CYTH3: variants seen among roughly 807,000 people sequenced by gnomAD.
CYTH3 encodes cytohesin-3.
Under a neutral mutation model 55.1 loss-of-function variants are expected in CYTH3, and 23 were observed. The observed-to-expected ratio is 0.42, with a 90% CI of 0.30 to 0.59. The LOEUF is 0.59. Among genes scored for constraint, CYTH3 ranks in the 20% least tolerant of loss-of-function variants. CYTH3 has a pLI of 0.20. For synonymous variants in CYTH3, 249 were observed against 194.9 expected (o/e 1.28, Z -2.31); for missense variants, 413 against 524.8 (o/e 0.79, Z 2.08).
rs570706024 is a variant in CYTH3 at position 6,191,008 on chromosome 7, C to T, written c.35-477G>A. 5.3e-5 allele frequency among the ~76,000 whole-genome samples: 8 copies of T among 151,654 alleles called. No homozygotes were observed. In the South Asian group the frequency reaches 1.0e-3, roughly 20 times the overall value. On this transcript the variant is annotated intron_variant, in intron 1 of 12. Coordinates refer to ENST00000350796, the MANE Select transcript of CYTH3 (RefSeq NM_004227.4). Reference sequence around the variant, plus strand: ...AGGAGAACTGCTTGAACCCAGGAGGCGGAGGCTGCAGTGAGGCAAAATCAC... The same window carrying T: ...AGGAGAACTGCTTGAACCCAGGAGGTGGAGGCTGCAGTGAGGCAAAATCAC...
At chr7:6,251,815 GA>G (rs748591281) in intron 1 of CYTH3, among the ~76,000 whole-genome samples, 2 of 152,118 alleles carry the variant, frequency 1.3e-5, no homozygotes, top group Non-Finnish European at 2.9e-5. Flanking sequence ...GGTTACCACA[GA>G]ATCGCATGAG....
chr7:6,183,104 G>T (rs1181629580), intron 4 of CYTH3, among the ~76,000 whole-genome samples: 1 of 152,152 alleles, frequency 6.6e-6, no homozygotes, highest in South Asian at 2.1e-4. Context: ...CTGTTTTCAC[G>T]GACTAAGTGC....
chr7:6,272,359 TG>T, intron 1 of CYTH3, 114 bp downstream of exon 1: 1 of 1,002,134 alleles, frequency 1.0e-6, no homozygotes, highest in Non-Finnish European at 1.2e-6. Flanking sequence ...CCGCTGCCGC[TG>T]CCCCCGACCC....
intron 1 of CYTH3, among the ~76,000 whole-genome samples, chr7:6,259,882 G>A (rs1282946898): frequency 7.9e-6 from 1 of 126,136 alleles, no homozygotes; most frequent in Non-Finnish European, 1.6e-5. Flanking sequence ...CCAGGCTGGA[G>A]AGCAATGGCG....
Position 6,267,684 on chromosome 7 carries a change from C to T in CYTH3, c.34+4790G>A, listed in dbSNP as rs148837354. ...GACTACAGGTGCGCATCACTATGCC[C>T]GGCTAATTTTTGTATTTTTAGTAGA... On this transcript the variant is annotated intron_variant, in intron 1 of 12. Transcript: ENST00000350796. Among the ~76,000 whole-genome samples, 11 of 152,104 alleles carry T rather than the reference C, an allele frequency of 7.2e-5. No individual in the cohort carries two copies. The South Asian group carries it at 8.3e-4, about 12-fold the overall frequency.
At chr7:6,177,049 G>A (rs1480272495) in intron 5 of CYTH3, among the ~76,000 whole-genome samples, 1 of 151,642 alleles carries the variant, frequency 6.6e-6, no homozygotes, top group African/African-American at 2.4e-5. Context: ...TGCATGCATG[G>A]GGTAAGTCCC....
At chr7:6,234,425 C>T (rs1370547786) in intron 1 of CYTH3, among the ~76,000 whole-genome samples, 1 of 152,200 alleles carries the variant, frequency 6.6e-6, no homozygotes, top group Non-Finnish European at 1.5e-5. Context: ...AAGGAGAGGC[C>T]CTCATTCCTT....
At chr7:6,199,373 G>C (rs1200325098) in intron 1 of CYTH3, among the ~76,000 whole-genome samples, 1 of 152,164 alleles carries the variant, frequency 6.6e-6, no homozygotes, top group African/African-American at 2.4e-5. Context: ...AAAACAGCCA[G>C]GCACAGTGGT....
chr7:6,272,486 C>T lies in CYTH3; in HGVS notation c.22G>A (p.Glu8Lys), dbSNP rs775683144. The T allele has an allele frequency of 1.1e-5, 15 of 1,366,638 alleles. No homozygotes were observed. The South Asian group carries it at 2.2e-4, about 20-fold the overall frequency. The allele number at this position is 1,366,638 out of a possible 1,614,324, so 84.7% of individuals were successfully genotyped here. A position where few individuals can be genotyped will look rare whatever the true frequency, so the allele number is the denominator to read the frequency against. The change falls in exon 1 of 13, where the codon GAG becomes AAG. Residue 8 changes from glutamate to lysine, a missense_variant. Physicochemically the swap from Glu to Lys is moderately conservative, Grantham distance 56 (BLOSUM62 1). Transcript: ENST00000350796. MDEDGGG[E>K]GGGVPEDLSL... ...CTCCGACACTCACCGCCACCACCCT[C>T]GCCGCCGCCGTCTTCATCCATCTTG...
At chr7:6,221,218 T>C (rs1468182665) in intron 1 of CYTH3, among the ~76,000 whole-genome samples, 1 of 152,200 alleles carries the variant, frequency 6.6e-6, no homozygotes, top group East Asian at 1.9e-4. Context: ...GAATATTATC[T>C]AGCAATAAAA....
chr7:6,197,308 T>A (rs1306322964), intron 1 of CYTH3, among the ~76,000 whole-genome samples: 1 of 152,164 alleles, frequency 6.6e-6, no homozygotes, highest in Non-Finnish European at 1.5e-5. Context: ...TGTAGAGAAA[T>A]GTCTTTATTT....
chr7:6,229,118 T>C (rs1779322516), intron 1 of CYTH3, among the ~76,000 whole-genome samples: 1 of 152,132 alleles, frequency 6.6e-6, no homozygotes. Flanking sequence ...AAACCTGAAT[T>C]AGCCAAATAA....
rs144116589 is a variant in CYTH3, at chr7:6,165,275, G to C, written c.1125C>G (p.Ile375Met). ...PEEKEEWMKSIKASISRDPFY... is the reference protein window; with the variant it reads ...PEEKEEWMKSMKASISRDPFY... ...CCCGCCCCCGAGGCCCCACTCACTT[G>C]ATGGATTTCATCCACTCCTCCTTCT... Residue 375 changes from isoleucine (I) to methionine (M), a missense_variant and splice_region_variant, in exon 12 of 13, where the codon ATC (isoleucine) becomes ATG (methionine). Physicochemically the swap from Ile to Met is conservative, Grantham distance 10 (BLOSUM62 1). This residue lies in a region of CYTH3 where 98 missense variants were observed against 115.2 expected (regional missense o/e 0.85). Transcript: ENST00000350796. 466 of 1,610,522 alleles carry C rather than the reference G, an allele frequency of 2.9e-4. No individual in the cohort carries two copies. Among genetic ancestry groups the C allele is most frequent in the Non-Finnish European group, 3.3e-4 (392 of 1,178,318 alleles).
At chr7:6,177,307 A>G (rs1288919775) in intron 5 of CYTH3, among the ~76,000 whole-genome samples, 4 of 152,272 alleles carry the variant, frequency 2.6e-5, no homozygotes. Flanking sequence ...GGTCTTTGAC[A>G]AAAGTCTGTT....
At chr7:6,165,646 ACTGTGGGTCACCAGC>A in intron 10 of CYTH3, 30 bp from the exon 11 acceptor site, 2 of 1,613,018 alleles carry the variant, frequency 1.2e-6, no homozygotes, top group African/African-American at 2.7e-5. Flanking sequence ...GGCGGGGCTC[ACTGTGGGTCACCAGC>A]CTGAGGGTCC....
Position 6,171,220 on chromosome 7 carries a change from C to G in CYTH3, c.544G>C (p.Gly182Arg), listed in dbSNP as rs1347589526. Residue 182 changes from glycine to arginine, a missense_variant, in exon 7 of 13, where the codon GGG (glycine) becomes CGG (arginine). By Grantham distance (125) the Gly-to-Arg change is moderately radical. Around this residue, in one of 4 missense-constraint regions of CYTH3, gnomAD observed 156 missense variants for 233.1 expected, o/e 0.67. Coordinates refer to ENST00000350796, the MANE Select transcript of CYTH3 (RefSeq NM_004227.4). The surrounding 1 kb of genome is among the most constrained non-coding windows in gnomAD (Gnocchi z 6.7). ...FASRYCLCNPGVFQSTDTCYV... is the reference protein window; with the variant it reads ...FASRYCLCNPRVFQSTDTCYV... The stretch of plus-strand genomic sequence containing the variant: ...CACTGACCTGTGGACTGGAAGACCC[C>G]GGGGTTGCACAGGCAGTAGCGAGAA... 1.9e-6 allele frequency: 3 copies of G among 1,614,008 alleles called. No individual in the cohort carries two copies. Among genetic ancestry groups the G allele is most frequent in the Non-Finnish European group, 1.7e-6 (2 of 1,180,006 alleles).
chr7:6,182,582 T>C (rs1783531063), intron 4 of CYTH3, among the ~76,000 whole-genome samples: 1 of 152,082 alleles, frequency 6.6e-6, no homozygotes, highest in Admixed American at 6.5e-5. Flanking sequence ...TCACATTTCA[T>C]TGTAGCCTCA....
In CYTH3 at chr7:6,177,901, G is replaced by A; in HGVS notation, c.290C>T (p.Ser97Phe). The A allele has an allele frequency of 6.2e-7, 1 of 1,614,152 alleles. No homozygotes were observed. Among genetic ancestry groups the A allele is most frequent in the East Asian group, 2.2e-5 (1 of 44,884 alleles). The change falls in exon 5 of 13, where the codon TCC becomes TTC. Residue 97 changes from serine (S) to phenylalanine (F), a missense_variant. This residue lies in a region of CYTH3 where 152 missense variants were observed against 148.1 expected (regional missense o/e 1.03). Transcript: ENST00000350796. ...AAGGAACTGGGCGACGTCTTCTGGG[G>A]AACTCTGTAGCAGGTCATTTTCTAT... ...FLIENDLLQS[S>F]PEDVAQFLYK... is the part of the protein sequence containing the mutation.
chr7:6,190,658 C>T (rs1783779317), intron 1 of CYTH3, 127 bp from the exon 2 acceptor site: 2 of 688,418 alleles, frequency 2.9e-6, no homozygotes, highest in Non-Finnish European at 4.6e-6. Context: ...GAAATGCTCC[C>T]ATTGAGACTG....
Sources: gnomAD v4.1 joint callset for allele counts (sites outside exome capture counted in the v4.1 genomes callset) on GRCh38, gnomAD v4.1.1 for gene constraint, gnomAD v4.1.1 regional missense constraint, Gnocchi (gnomAD v3.1) non-coding constraint, MANE v1.5 for transcripts, NCBI Gene and HGNC (gene_info 2026-07-23, HGNC 2026-07-21) for gene names.